OGDHL: variants seen among roughly 807,000 people sequenced by gnomAD.
OGDHL encodes 2-oxoglutarate dehydrogenase-like, mitochondrial.
In OGDHL, 79 loss-of-function variants were observed where a neutral mutation model predicts 109.6. The observed-to-expected ratio is 0.72, with a 90% CI of 0.60 to 0.87. OGDHL has a LOEUF of 0.87. OGDHL is among the 40% of genes least tolerant of loss of function. The pLI is 0.00. For missense variants in OGDHL, 1,275 were observed against 1,362.2 expected, an observed-to-expected ratio of 0.94 and a Z score of 1.01; for synonymous variants, 528 against 537.2, an observed-to-expected ratio of 0.98 and a Z score of 0.24.
At chr10:49,755,706 G>A (rs1426380917) in intron 3 of OGDHL, among the ~76,000 whole-genome samples, 1 of 152,174 alleles carries the variant, frequency 6.6e-6, no homozygotes, top group Non-Finnish European at 1.5e-5. Context: ...ACCCTGCCAG[G>A]AAAACTCTCT....
chr10:49,745,623 A>G, intron 11 of OGDHL, 127 bp from the exon 12 acceptor site: 1 of 1,337,174 alleles, frequency 7.5e-7, no homozygotes, highest in Non-Finnish European at 1.0e-6. Context: ...ACTATCACCT[A>G]TCACCGAATG....
rs554687335 is a variant in OGDHL at position 49,736,367 on chromosome 10, C to G, written c.2744G>C (p.Arg915Pro). The G allele has an allele frequency of 1.2e-6, 2 of 1,614,112 alleles. No individual in the cohort carries two copies. Among genetic ancestry groups the G allele is most frequent in the Admixed American group, 3.3e-5 (2 of 60,022 alleles). Residue 915 changes from arginine to proline, a missense_variant, in exon 21 of 23, where the codon CGC becomes CCC. Coordinates refer to ENST00000374103, the MANE Select transcript of OGDHL (RefSeq NM_018245.3). Reference protein sequence around the residue: ...QDLEEKVAITRLEQISPFPFD... With the variant: ...QDLEEKVAITPLEQISPFPFD... ...GGGGTTCAGGCACACCTGCTCCAGG[C>G]GCGTGATGGCCACTTTCTCCTCCAG...
intron 1 of OGDHL, among the ~76,000 whole-genome samples, chr10:49,759,593 C>A (rs535388143): frequency 2.6e-5 from 4 of 152,124 alleles, no homozygotes; most frequent in Non-Finnish European, 5.9e-5. Context: ...GTTGATAGGG[C>A]CTACTGAGGT....
intron 17 of OGDHL, chr10:49,739,434 G>T: frequency 2.0e-6 from 1 of 493,624 alleles, no homozygotes; most frequent in Non-Finnish European, 3.6e-6. Flanking sequence ...AGTGCCTGGC[G>T]CACAGCAAGC....
At chr10:49,756,267 A>G (rs971428733) in intron 3 of OGDHL, among the ~76,000 whole-genome samples, 2 of 152,152 alleles carry the variant, frequency 1.3e-5, no homozygotes, top group African/African-American at 2.4e-5. Context: ...AACACACACC[A>G]TCACTGGGAC....
At chr10:49,739,982 A>T in intron 16 of OGDHL, 143 bp from the exon 17 acceptor site, 1 of 795,966 alleles carries the variant, frequency 1.3e-6, no homozygotes, top group Non-Finnish European at 1.9e-6. Context: ...ATTCCCTGGG[A>T]TTCAAAGGGT....
chr10:49,757,409 AC>A, intron 2 of OGDHL, among the ~76,000 whole-genome samples: 1 of 152,328 alleles, frequency 6.6e-6, no homozygotes, highest in Admixed American at 6.5e-5. Flanking sequence ...CCCATACGGC[AC>A]TGGTGGGAGA....
intron 17 of OGDHL, 95 bp downstream of exon 17, chr10:49,739,565 TA>T (rs1201930006): frequency 6.9e-7 from 1 of 1,456,864 alleles, no homozygotes; most frequent in African/African-American, 1.4e-5. Context: ...CTGGAAGGCA[TA>T]TACCGTCCAA....
intron 12 of OGDHL, among the ~76,000 whole-genome samples, 179 bp from the exon 13 acceptor site, chr10:49,744,931 A>C (rs1412011218): frequency 6.6e-6 from 1 of 152,170 alleles, no homozygotes; most frequent in African/African-American, 2.4e-5. Context: ...GATCCTGTAC[A>C]GGTACCCCGA....
chr10:49,740,671 T>A, intron 16 of OGDHL, 39 bp downstream of exon 16: 1 of 1,596,776 alleles, frequency 6.3e-7, no homozygotes, highest in Non-Finnish European at 8.5e-7. Flanking sequence ...TCCCCAGGTG[T>A]CTGGGGCCTG....
intron 15 of OGDHL, among the ~76,000 whole-genome samples, chr10:49,742,169 C>A (rs1841758269): frequency 7.4e-6 from 1 of 134,598 alleles, no homozygotes; most frequent in African/African-American, 2.8e-5. Context: ...ACACACCATA[C>A]ACGCCCCACA....
chr10:49,754,676 G>GAAA (rs34646233), intron 3 of OGDHL, among the ~76,000 whole-genome samples: 2 of 147,514 alleles, frequency 1.4e-5, no homozygotes, highest in East Asian at 2.0e-4. Context: ...AGCTGATTTT[G>GAAA]AAAAAAAAAA....
At chr10:49,742,144 A>G (rs1841752362) in intron 15 of OGDHL, among the ~76,000 whole-genome samples, 2 of 81,830 alleles carry the variant, frequency 2.4e-5, no homozygotes, top group Admixed American at 1.4e-4. Flanking sequence ...CACACCAAAC[A>G]TACACACACA....
At chr10:49,752,276 G>A (rs755676608) in intron 4 of OGDHL, 28 bp from the exon 5 acceptor site, 83 of 1,572,516 alleles carry the variant, frequency 5.3e-5, no homozygotes, top group South Asian at 1.2e-4. Context: ...GCCGAGCCCC[G>A]GGCAGCAAAG....
intron 7 of OGDHL, 86 bp from the exon 8 acceptor site, chr10:49,749,902 T>A: frequency 8.7e-7 from 1 of 1,154,798 alleles, no homozygotes; most frequent in Non-Finnish European, 1.2e-6. Context: ...TGGCCTGGCC[T>A]AATACAGCCC....
chr10:49,754,284 C>T (rs964673097), intron 3 of OGDHL, among the ~76,000 whole-genome samples: 1 of 152,134 alleles, frequency 6.6e-6, no homozygotes, highest in African/African-American at 2.4e-5. Context: ...TTTTGAGCAA[C>T]TATAAGGACA....
intron 17 of OGDHL, chr10:49,739,437 C>G (rs555525824): frequency 7.9e-6 from 4 of 507,360 alleles, no homozygotes; most frequent in African/African-American, 3.8e-5. Context: ...GCCTGGCGCA[C>G]AGCAAGCACT....
intron 7 of OGDHL, 39 bp from the exon 8 acceptor site, chr10:49,749,855 C>T (rs1564547515): frequency 5.8e-6 from 9 of 1,538,496 alleles, no homozygotes; most frequent in Middle Eastern, 1.7e-4. Flanking sequence ...TGGCAAAGCC[C>T]GCAGGCCTCA....
intron 7 of OGDHL, among the ~76,000 whole-genome samples, chr10:49,750,532 C>T (rs143295548): frequency 1.4e-3 from 220 of 152,330 alleles, no homozygotes; most frequent in African/African-American, 3.2e-3. Context: ...TCCTTGTCCA[C>T]AGGAACCTCA....
Sources: gnomAD v4.1 joint callset for allele counts (sites outside exome capture counted in the v4.1 genomes callset) on GRCh38, gnomAD v4.1.1 for gene constraint, MANE v1.5 for transcripts, NCBI Gene and HGNC (gene_info 2026-07-23, HGNC 2026-07-21) for gene names.